The following TRIP12 variants were observed in gnomAD, a reference collection of about 807,000 sequenced individuals.
TRIP12 encodes E3 ubiquitin-protein ligase TRIP12.
Under a neutral mutation model 244.2 loss-of-function variants are expected in TRIP12, and 25 were observed. The observed-to-expected ratio is 0.10, with a 90% CI of 0.07 to 0.14. The LOEUF (loss-of-function observed/expected upper bound fraction) is 0.14, where lower values mean the gene tolerates loss of function less well. TRIP12 is among the 10% of genes least tolerant of loss of function. TRIP12 has a pLI of 1.00. For synonymous variants in TRIP12, 905 were observed against 873.1 expected, an observed-to-expected ratio of 1.04 and a Z score of -0.64; for missense variants, 1,677 against 2,486.4, an observed-to-expected ratio of 0.67 and a Z score of 6.92.
chr2:229,777,370 T>C lies in TRIP12; in HGVS notation c.5474A>G (p.Tyr1825Cys). The C allele has an allele frequency of 6.2e-7, 1 of 1,614,028 alleles. No individual in the cohort carries two copies. Among genetic ancestry groups the C allele is most frequent in the Non-Finnish European group, 8.5e-7 (1 of 1,179,876 alleles). The change falls in exon 37 of 42, where the codon TAT becomes TGT. Residue 1825 changes from tyrosine (Y) to cysteine (C), a missense_variant. By Grantham distance (194) the Tyr-to-Cys change is radical. Transcript: ENST00000675903. The stretch of plus-strand genomic sequence containing the variant: ...CTGTCTGACAATGTCTTCTAGGTGA[T>C]AAACTGATCTGGCTACAACTGGGTC... ...DIDPVVARSV[Y>C]HLEDIVRQKK... is the part of the protein sequence containing the mutation.
chr2:229,854,860 C>T (rs1414595807), intron 4 of TRIP12, among the ~76,000 whole-genome samples: 1 of 152,240 alleles, frequency 6.6e-6, no homozygotes, highest in African/African-American at 2.4e-5. Flanking sequence ...CTGAGATCAA[C>T]TGGCCTGGGT....
intron 18 of TRIP12, among the ~76,000 whole-genome samples, chr2:229,805,482 A>G (rs1195500154): frequency 6.6e-6 from 1 of 152,224 alleles, no homozygotes; most frequent in Admixed American, 6.5e-5. Flanking sequence ...TCAGATAAAA[A>G]TCTGTATGAG....
intron 1 of TRIP12, among the ~76,000 whole-genome samples, chr2:229,889,332 G>A (rs2066796752): frequency 6.6e-6 from 1 of 152,206 alleles, no homozygotes; most frequent in Non-Finnish European, 1.5e-5. Flanking sequence ...CAATTATCCT[G>A]AATAGCTATT....
intron 6 of TRIP12, among the ~76,000 whole-genome samples, chr2:229,831,690 TGAAG>T (rs2053432630): frequency 1.3e-5 from 2 of 152,044 alleles, no homozygotes; most frequent in Non-Finnish European, 2.9e-5. Flanking sequence ...TAGTGTGAAA[TGAAG>T]AGTTAAGACT....
At position 229,902,901 on chromosome 2, in the gene TRIP12, C is replaced by G. The variant is rs143019923; in HGVS notation, c.-50+18979G>C. Among the ~76,000 whole-genome samples, 52 of 152,144 alleles carry G rather than the reference C, an allele frequency of 3.4e-4. 1 individual carries two copies. Among genetic ancestry groups the G allele is most frequent in the African/African-American group, 1.2e-3 (51 of 41,492 alleles). On this transcript the variant is annotated intron_variant, in intron 1 of 41. Coordinates refer to ENST00000675903, the MANE Select transcript of TRIP12 (RefSeq NM_001348323.3). The stretch of plus-strand genomic sequence containing the variant: ...TGCCTTCACATACAGTGCTGACACA[C>G]AGTAGGTCATTCATATTAGACTGCA...
intron 38 of TRIP12, among the ~76,000 whole-genome samples, chr2:229,773,404 G>C (rs1430013103): frequency 6.6e-6 from 1 of 152,086 alleles, no homozygotes; most frequent in African/African-American, 2.4e-5. Context: ...ATTTTTAAGA[G>C]AAACGATCTT....
In TRIP12 at chr2:229,815,079, C is replaced by T. The variant is rs377338577; in HGVS notation, c.1731+20G>A. 9.5e-6 allele frequency: 15 copies of T among 1,579,608 alleles called. No individual in the cohort carries two copies. Among genetic ancestry groups the T allele is most frequent in the South Asian group, 3.5e-5 (3 of 85,998 alleles). On this transcript the variant is annotated intron_variant, in intron 11 of 41. Coordinates refer to ENST00000675903, the MANE Select transcript of TRIP12 (RefSeq NM_001348323.3). ...CTCCCTATGCCTGCTTTTGAACAAA[C>T]GGGGTAAAAGTAGGATCACCTTTTC...
At chr2:229,867,167 G>GTCTGTT (rs2061676848) in intron 2 of TRIP12, among the ~76,000 whole-genome samples, 1 of 58,164 alleles carries the variant, frequency 1.7e-5, no homozygotes, top group Non-Finnish European at 4.0e-5. Flanking sequence ...TTGTTTGTTT[G>GTCTGTT]TTTGTTTTTT....
At chr2:229,816,375 A>G (rs2048504892) in intron 9 of TRIP12, among the ~76,000 whole-genome samples, 1 of 152,070 alleles carries the variant, frequency 6.6e-6, no homozygotes. Context: ...CACTTAAAAC[A>G]CTTAGTCTAA....
chr2:229,892,596 C>T (rs557500395), intron 1 of TRIP12, among the ~76,000 whole-genome samples: 16 of 152,246 alleles, frequency 1.1e-4, no homozygotes, highest in East Asian at 5.8e-4. Flanking sequence ...AGGTCAGGCA[C>T]GGTGGCTCAC....
intron 1 of TRIP12, among the ~76,000 whole-genome samples, chr2:229,902,592 T>TA (rs1317857558): frequency 1.3e-5 from 2 of 152,222 alleles, no homozygotes; most frequent in Admixed American, 1.3e-4. Flanking sequence ...ATAAACATAT[T>TA]ACTGATTACA....
intron 9 of TRIP12, 118 bp from the exon 10 acceptor site, chr2:229,815,426 A>G: frequency 1.6e-6 from 1 of 622,626 alleles, no homozygotes; most frequent in Non-Finnish European, 2.7e-6. Context: ...AACTTTTACC[A>G]CACAAAAATA....
intron 29 of TRIP12, 36 bp downstream of exon 29, chr2:229,791,830 T>C (rs2041624615): frequency 1.2e-6 from 2 of 1,601,620 alleles, no homozygotes; most frequent in African/African-American, 1.3e-5. Context: ...GTTTCAAAGT[T>C]TATGAAAAAA....
At chr2:229,892,686 C>T (rs1240667303) in intron 1 of TRIP12, among the ~76,000 whole-genome samples, 2 of 151,836 alleles carry the variant, frequency 1.3e-5, no homozygotes, top group Non-Finnish European at 2.9e-5. Flanking sequence ...GGCAGCATGG[C>T]GAAACCCCTT....
At chr2:229,879,913 C>T (rs2154353656) in intron 2 of TRIP12, 69 bp downstream of exon 2, 9 of 1,562,522 alleles carry the variant, frequency 5.8e-6, no homozygotes, top group South Asian at 3.3e-5. Context: ...TTTTGGACCT[C>T]GCAAGGAGGC....
chr2:229,783,372 C>A (rs2038919709), intron 34 of TRIP12, among the ~76,000 whole-genome samples: 1 of 152,120 alleles, frequency 6.6e-6, no homozygotes. Context: ...CTATCTGGTC[C>A]TTCACAGAAA....
intron 1 of TRIP12, among the ~76,000 whole-genome samples, chr2:229,887,654 A>G (rs1457949940): frequency 6.6e-6 from 1 of 152,222 alleles, no homozygotes; most frequent in African/African-American, 2.4e-5. Flanking sequence ...CTTCAGACAA[A>G]TATAAACCCT....
intron 31 of TRIP12, 60 bp from the exon 32 acceptor site, chr2:229,789,000 C>T (rs2040752817): frequency 1.4e-6 from 2 of 1,455,686 alleles, no homozygotes; most frequent in Admixed American, 2.0e-5. Flanking sequence ...ATTATATTCA[C>T]AATCTCTTCC....
At chr2:229,912,263 T>C (rs1449567967) in intron 1 of TRIP12, among the ~76,000 whole-genome samples, 1 of 152,222 alleles carries the variant, frequency 6.6e-6, no homozygotes, top group Non-Finnish European at 1.5e-5. Flanking sequence ...CTTTTATATG[T>C]AGTATCAGAA....
Sources: allele counts gnomAD v4.1 joint callset (sites outside exome capture counted in the v4.1 genomes callset), GRCh38; gene constraint gnomAD v4.1.1; transcripts MANE v1.5; gene names NCBI Gene and HGNC (gene_info 2026-07-23, HGNC 2026-07-21).